Variants in TAFA5 observed in about 807,000 individuals in gnomAD.
The protein encoded by TAFA5 is chemokine-like protein TAFA-5.
A neutral mutation model predicts 15.3 loss-of-function variants in TAFA5; 6 were observed. The observed-to-expected ratio is 0.39, with a 90% CI of 0.21 to 0.77. The LOEUF (loss-of-function observed/expected upper bound fraction) is 0.77. Among genes scored for constraint, TAFA5 ranks in the 30% least tolerant of loss-of-function variants. The pLI is 0.41. For missense variants in TAFA5, 161 were observed against 193.1 expected (o/e 0.83, Z 0.98); for synonymous variants, 103 against 80.7 (o/e 1.28, Z -1.48).
chr22:48,585,704 A>C (rs933352061), intron 1 of TAFA5, among the ~76,000 whole-genome samples: 1 of 151,256 alleles, frequency 6.6e-6, no homozygotes, highest in Non-Finnish European at 1.5e-5. Context: ...ATACACAGAC[A>C]CAGAATATAC....
chr22:48,594,145 G>A (rs2147159533), intron 1 of TAFA5, among the ~76,000 whole-genome samples: 1 of 152,314 alleles, frequency 6.6e-6, no homozygotes. Flanking sequence ...TCTTTCTCTG[G>A]GGATGCACAG....
chr22:48,574,764 T>C (rs575646925), intron 1 of TAFA5, among the ~76,000 whole-genome samples: 84 of 152,344 alleles, frequency 5.5e-4, no homozygotes, highest in Middle Eastern at 3.4e-3. Context: ...CCCACCACAC[T>C]GGTCTTGGTA....
At chr22:48,591,516 A>C (rs1317083804) in intron 1 of TAFA5, among the ~76,000 whole-genome samples, 1 of 152,150 alleles carries the variant, frequency 6.6e-6, no homozygotes, top group African/African-American at 2.4e-5. Flanking sequence ...AGTTTCTGGG[A>C]GTTTCTGAGG....
At chr22:48,619,932 C>T (rs930783043) in intron 1 of TAFA5, among the ~76,000 whole-genome samples, 5 of 152,246 alleles carry the variant, frequency 3.3e-5, no homozygotes, top group South Asian at 2.1e-4. Flanking sequence ...TGCTGAGTCC[C>T]GCGGGCCTGG....
chr22:48,523,916 C>T (rs1921691516), intron 1 of TAFA5, among the ~76,000 whole-genome samples: 1 of 152,122 alleles, frequency 6.6e-6, no homozygotes, highest in African/African-American at 2.4e-5. Context: ...CACAGGCCGC[C>T]CAGGCGAGGT....
chr22:48,491,103 C>T (rs1288508499), intron 1 of TAFA5, among the ~76,000 whole-genome samples: 2 of 152,214 alleles, frequency 1.3e-5, no homozygotes, highest in Non-Finnish European at 2.9e-5. Flanking sequence ...CCGAGCTGCC[C>T]AGGCAGACGA....
intron 1 of TAFA5, among the ~76,000 whole-genome samples, chr22:48,497,365 G>A (rs900743211): frequency 7.2e-5 from 11 of 152,162 alleles, no homozygotes; most frequent in Non-Finnish European, 1.6e-4. Context: ...CCAGCCCCTT[G>A]CCCCTGTTTC....
At chr22:48,636,404 A>G (rs1926446339) in intron 1 of TAFA5, among the ~76,000 whole-genome samples, 1 of 152,216 alleles carries the variant, frequency 6.6e-6, no homozygotes, top group African/African-American at 2.4e-5. Flanking sequence ...TGTAACTTAA[A>G]TATTGAGACT....
chr22:48,601,073 G>A (rs1050002851), intron 1 of TAFA5, among the ~76,000 whole-genome samples: 2 of 152,210 alleles, frequency 1.3e-5, no homozygotes, highest in African/African-American at 2.4e-5. Context: ...AGAGACTCAC[G>A]TGTACACGGC....
chr22:48,731,492 C>A (rs1343087199), intron 3 of TAFA5, among the ~76,000 whole-genome samples: 2 of 152,236 alleles, frequency 1.3e-5, no homozygotes, highest in East Asian at 3.8e-4. Flanking sequence ...CACCAGAGGA[C>A]AGGCTGACTC....
At chr22:48,595,138 G>C (rs187567431) in intron 1 of TAFA5, among the ~76,000 whole-genome samples, 1 of 152,130 alleles carries the variant, frequency 6.6e-6, no homozygotes, top group South Asian at 2.1e-4. Context: ...TGCTGTGCTC[G>C]TACCCCTGAG....
chr22:48,535,713 A>G (rs574451374), intron 1 of TAFA5, among the ~76,000 whole-genome samples: 1 of 150,826 alleles, frequency 6.6e-6, no homozygotes, highest in African/African-American at 2.4e-5. Context: ...CTGCACACAC[A>G]TCACACACAC....
At chr22:48,609,243 G>C (rs1021351748) in intron 1 of TAFA5, among the ~76,000 whole-genome samples, 6 of 152,314 alleles carry the variant, frequency 3.9e-5, no homozygotes, top group African/African-American at 1.2e-4. Flanking sequence ...TGAAGAGGGA[G>C]ATTGTGTTTT....
chr22:48,561,307 C>T (rs1045307691), intron 1 of TAFA5, among the ~76,000 whole-genome samples: 6 of 152,098 alleles, frequency 3.9e-5, no homozygotes, highest in African/African-American at 9.7e-5. Context: ...CAGGGATAGC[C>T]GAGTCCCCTG....
chr22:48,601,587 A>G (rs1924975668), intron 1 of TAFA5, among the ~76,000 whole-genome samples: 5 of 152,164 alleles, frequency 3.3e-5, no homozygotes, highest in Admixed American at 6.5e-5. Context: ...TTGGCCTCCC[A>G]AAGTGCTGGG....
At position 48,642,180 on chromosome 22, in the gene TAFA5, G is replaced by A. The variant is rs893236521; in HGVS notation, c.113-4417G>A. Among the ~76,000 whole-genome samples the A allele has an allele frequency of 7.2e-5, 11 of 152,254 alleles. No homozygotes were observed. The East Asian group carries it at 1.2e-3, about 16-fold the overall frequency. ...GCTGCGTGGGGCAGCCTGGTGGAGCGGCCTGCGCTTTGCTGAGGGTGCCAA... is the reference window on the plus strand; with the variant it reads ...GCTGCGTGGGGCAGCCTGGTGGAGCAGCCTGCGCTTTGCTGAGGGTGCCAA... On this transcript the variant is annotated intron_variant, in intron 1 of 3. Transcript: ENST00000402357.
intron 2 of TAFA5, among the ~76,000 whole-genome samples, chr22:48,661,896 G>A (rs973399724): frequency 1.3e-5 from 2 of 151,934 alleles, no homozygotes; most frequent in African/African-American, 4.8e-5. Flanking sequence ...CCCACTTTGG[G>A]GAGATGGTGA....
intron 1 of TAFA5, among the ~76,000 whole-genome samples, chr22:48,499,828 G>A (rs1920942966): frequency 6.6e-6 from 1 of 152,182 alleles, no homozygotes; most frequent in South Asian, 2.1e-4. Flanking sequence ...CCCTTGTCGT[G>A]CATGTGGTGG....
At chr22:48,540,042 G>C (rs1380928905) in intron 1 of TAFA5, among the ~76,000 whole-genome samples, 1 of 152,178 alleles carries the variant, frequency 6.6e-6, no homozygotes, top group Non-Finnish European at 1.5e-5. Context: ...GCCTGGGAAG[G>C]GTTAGGAGCA....
Sources: allele counts gnomAD v4.1 joint callset (sites outside exome capture counted in the v4.1 genomes callset), GRCh38; gene constraint gnomAD v4.1.1; transcripts MANE v1.5; gene names NCBI Gene and HGNC (gene_info 2026-07-23, HGNC 2026-07-21).